Variants in CARS2 observed in about 807,000 individuals in gnomAD.
CARS2 encodes cysteinyl-tRNA synthetase 2, mitochondrial.
Under a neutral mutation model 68.8 loss-of-function variants are expected in CARS2, and 52 were observed. The observed-to-expected ratio is 0.76, with a 90% CI of 0.61 to 0.95. The LOEUF (loss-of-function observed/expected upper bound fraction) is 0.95. CARS2 is among the 40% of genes least tolerant of loss of function. CARS2 has a pLI of 0.00. For synonymous variants in CARS2, 314 were observed against 303.6 expected (o/e 1.03, Z -0.36); for missense variants, 780 against 754.2 (o/e 1.03, Z -0.40).
intron 9 of CARS2, among the ~76,000 whole-genome samples, chr13:110,657,073 T>C (rs1231644217): frequency 6.6e-6 from 1 of 152,196 alleles, no homozygotes; most frequent in East Asian, 1.9e-4. Flanking sequence ...CTGTTAATGG[T>C]AATATTGGTA....
chr13:110,645,976 C>T lies in CARS2; in HGVS notation c.1308G>A (p.Ala436=), dbSNP rs141349632. ...LAHHGNGQLR[A]SLKEPEGPRS... ...CTGTTCGTTGAGCTACCTTCAGGGA[C>T]GCCCTGAGCTGTCCATTCCCGTGGT... Residue 436 remains alanine (A), a synonymous_variant, in exon 12 of 15, where the codon GCG becomes GCA. Transcript: ENST00000257347. The T allele has an allele frequency of 1.5e-4, 246 of 1,612,456 alleles. 1 individual carries two copies. Among genetic ancestry groups the T allele is most frequent in the East Asian group, 1.1e-3 (51 of 44,706 alleles).
intron 3 of CARS2, among the ~76,000 whole-genome samples, chr13:110,697,277 G>C (rs1019976974): frequency 6.6e-6 from 1 of 152,226 alleles, no homozygotes; most frequent in Non-Finnish European, 1.5e-5. Flanking sequence ...TCACGCACCT[G>C]CCTTCTAAAT....
intron 9 of CARS2, among the ~76,000 whole-genome samples, chr13:110,661,090 T>C (rs2139738737): frequency 6.6e-6 from 1 of 152,156 alleles, no homozygotes; most frequent in Admixed American, 6.5e-5. Context: ...GGCCCTAGGA[T>C]TTTTTGAATT....
chr13:110,652,867 C>A (rs1300638109), intron 9 of CARS2, among the ~76,000 whole-genome samples: 1 of 152,094 alleles, frequency 6.6e-6, no homozygotes, highest in Non-Finnish European at 1.5e-5. Context: ...CAGCCTTGCA[C>A]CGAAATGGGT....
chr13:110,701,592 C>A (rs1456494101), intron 2 of CARS2, 37 bp from the exon 3 acceptor site: 1 of 892,338 alleles, frequency 1.1e-6, no homozygotes, highest in Admixed American at 1.7e-5. Flanking sequence ...CTTTATTACA[C>A]AAAGTCATCA....
At chr13:110,657,436 G>A (rs1030887245) in intron 9 of CARS2, among the ~76,000 whole-genome samples, 8 of 152,202 alleles carry the variant, frequency 5.3e-5, no homozygotes, top group Non-Finnish European at 2.9e-5. Flanking sequence ...GCAGGCAGGT[G>A]CAGGAGGGCA....
intron 3 of CARS2, 89 bp from the exon 4 acceptor site, chr13:110,688,107 G>T: frequency 1.2e-6 from 1 of 817,946 alleles, no homozygotes; most frequent in Non-Finnish European, 2.0e-6. Context: ...TGCACAACAC[G>T]ACAGCAAACA....
chr13:110,708,302 A>C (rs778256200), upstream of CARS2, among the ~76,000 whole-genome samples: 10 of 152,246 alleles, frequency 6.6e-5, no homozygotes, highest in Non-Finnish European at 1.3e-4. Flanking sequence ...AAGCTGATTC[A>C]GATATTAGAT....
intron 3 of CARS2, among the ~76,000 whole-genome samples, chr13:110,701,073 CTTTT>C (rs374928372): frequency 6.8e-6 from 1 of 147,124 alleles, no homozygotes; most frequent in East Asian, 2.0e-4. Context: ...TTTCTTTTTT[CTTTT>C]TTTTTTTGAG....
At chr13:110,642,258 T>C in intron 14 of CARS2, 57 bp downstream of exon 14, 1 of 1,375,908 alleles carries the variant, frequency 7.3e-7, no homozygotes, top group South Asian at 1.2e-5. Context: ...TGGCCCCACG[T>C]CCTGTTGACC....
At chr13:110,695,192 G>A (rs2063585900) in intron 3 of CARS2, among the ~76,000 whole-genome samples, 1 of 151,974 alleles carries the variant, frequency 6.6e-6, no homozygotes, top group Non-Finnish European at 1.5e-5. Context: ...TGAAGTGGGA[G>A]GATCCCTGAG....
intron 3 of CARS2, among the ~76,000 whole-genome samples, chr13:110,688,493 C>A (rs529774708): frequency 1.3e-5 from 2 of 152,198 alleles, no homozygotes; most frequent in East Asian, 3.9e-4. Context: ...ACAAAACATA[C>A]CAAGGATCCT....
chr13:110,712,686 C>A, intron 1 of CARS2: 1 of 668,792 alleles, frequency 1.5e-6, no homozygotes. Flanking sequence ...GGACGCCGGC[C>A]GACCGGGTGT....
At chr13:110,712,715 C>T (rs1244347871) in intron 1 of CARS2, 1 of 693,786 alleles carries the variant, frequency 1.4e-6, no homozygotes, top group Admixed American at 2.0e-5. Flanking sequence ...TGTGGGCGGC[C>T]TTTCCAAGTG....
chr13:110,698,673 G>A lies in CARS2; in HGVS notation c.393+2765C>T, dbSNP rs991643025. On this transcript the variant is annotated intron_variant, in intron 3 of 14. Coordinates refer to ENST00000257347, the MANE Select transcript of CARS2 (RefSeq NM_024537.4). The stretch of plus-strand genomic sequence containing the variant: ...ACTTGAAGAAGTGATTAGGCCGTGA[G>A]GGCCCCACCCTCTTGGATGGGCTTC... Among the ~76,000 whole-genome samples, 4 of 152,024 alleles carry A rather than the reference G, an allele frequency of 2.6e-5. No homozygotes were observed. In the South Asian group the frequency reaches 6.2e-4, roughly 24 times the overall value.
upstream of CARS2, among the ~76,000 whole-genome samples, chr13:110,709,991 G>A (rs963658159): frequency 6.6e-6 from 1 of 152,158 alleles, no homozygotes; most frequent in African/African-American, 2.4e-5. Context: ...TTGTAAATCA[G>A]AAGTAGAGTT....
At chr13:110,647,431 G>A (rs924337935) in intron 10 of CARS2, among the ~76,000 whole-genome samples, 192 bp from the exon 11 acceptor site, 6 of 152,262 alleles carry the variant, frequency 3.9e-5, no homozygotes, top group Admixed American at 2.0e-4. Context: ...GTCTGTCCCA[G>A]CTCAGTGGCA....
chr13:110,705,735 G>A lies in CARS2; in HGVS notation c.224+135C>T, dbSNP rs750213751. 6.5e-7 allele frequency: 1 copy of A among 1,535,120 alleles called. No individual in the cohort carries two copies. The highest frequency in any genetic ancestry group is 8.8e-7 in the Non-Finnish European group (1 of 1,141,918). On this transcript the variant is annotated intron_variant, in intron 1 of 14. Transcript: ENST00000257347. The surrounding 1 kb of genome is among the most constrained non-coding windows in gnomAD (Gnocchi z 4.0). ...TCACACCCAAACCTGCAAAAGCACC[G>A]CGCACCCCCAGCTTCTAGAACGGCG...
chr13:110,644,154 C>G, intron 13 of CARS2: 3 of 1,429,622 alleles, frequency 2.1e-6, no homozygotes, highest in Non-Finnish European at 2.8e-6. Context: ...ATGGACTCAT[C>G]TCTGGTTCTG....
Sources: gnomAD v4.1 joint callset for allele counts (sites outside exome capture counted in the v4.1 genomes callset) on GRCh38, gnomAD v4.1.1 for gene constraint, Gnocchi (gnomAD v3.1) non-coding constraint, MANE v1.5 for transcripts, NCBI Gene and HGNC (gene_info 2026-07-23, HGNC 2026-07-21) for gene names.